Variants in TMTC2 observed in about 807,000 individuals in gnomAD.
TMTC2 encodes protein O-mannosyl-transferase TMTC2.
A neutral mutation model predicts 82.4 loss-of-function variants in TMTC2; 43 were observed. That is an observed-to-expected ratio of 0.52 (90% confidence interval 0.41 to 0.67). The LOEUF is 0.67. TMTC2 is among the 30% of genes least tolerant of loss of function. The probability of loss-of-function intolerance (pLI) is 0.00; values close to 1 mark genes in which losing one functional copy is unlikely to be tolerated. For missense variants in TMTC2, 919 were observed against 1,012.4 expected (o/e 0.91, Z 1.25); for synonymous variants, 408 against 381.9 (o/e 1.07, Z -0.80).
At chr12:83,069,532 T>C (rs1883034137) in intron 11 of TMTC2, among the ~76,000 whole-genome samples, 1 of 152,178 alleles carries the variant, frequency 6.6e-6, no homozygotes, top group South Asian at 2.1e-4. Context: ...TAGCCCATTT[T>C]TTGATGGGAT....
chr12:83,069,982 GA>G (rs1790157421), intron 11 of TMTC2, among the ~76,000 whole-genome samples: 2 of 152,092 alleles, frequency 1.3e-5, no homozygotes, highest in African/African-American at 4.8e-5. Flanking sequence ...TTGCTTTGTC[GA>G]AGATCAATTG....
At chr12:82,883,842 GTT>G in intron 2 of TMTC2, among the ~76,000 whole-genome samples, 1 of 152,158 alleles carries the variant, frequency 6.6e-6, no homozygotes, top group Non-Finnish European at 1.5e-5. Context: ...AAAACAAAGT[GTT>G]TTCATAGTCA....
intron 1 of TMTC2, among the ~76,000 whole-genome samples, chr12:82,765,291 T>A (rs141616143): frequency 4.0e-4 from 61 of 152,300 alleles, no homozygotes; most frequent in Non-Finnish European, 7.3e-4. Flanking sequence ...TCAATAAATA[T>A]GTATCAAGTG....
In TMTC2 at chr12:82,701,589, TAAAAAAA is replaced by T. The variant is rs763176928; in HGVS notation, c.83+13937_83+13943del. Among the ~76,000 whole-genome samples the T allele has an allele frequency of 4.1e-4, 38 of 91,898 alleles. 2 individuals are homozygous for T. Among genetic ancestry groups the T allele is most frequent in the Admixed American group, 3.8e-3 (31 of 8,192 alleles). 60.3% of individuals were successfully genotyped at this position (91,898 alleles called of 152,430 possible). A position where few individuals can be genotyped will look rare whatever the true frequency, so the allele number is the denominator to read the frequency against. On this transcript the variant is annotated intron_variant, in intron 1 of 11. Transcript: ENST00000321196. Reference sequence around the variant, plus strand: ...CAACATGGAGAAACCCCGTCTTTACTAAAAAAAAAAAAAAAAAAAAAAATTTCTGGGT... The same window carrying T: ...CAACATGGAGAAACCCCGTCTTTACTAAAAAAAAAAAAAAAATTTCTGGGT...
At chr12:83,063,022 ATGTATTT>A (rs1882797549) in intron 11 of TMTC2, among the ~76,000 whole-genome samples, 1 of 152,024 alleles carries the variant, frequency 6.6e-6, no homozygotes, top group African/African-American at 2.4e-5. Context: ...AAGCATACAA[ATGTATTT>A]AATATACATT....
chr12:82,890,490 C>T (rs76236585), intron 2 of TMTC2, among the ~76,000 whole-genome samples: 57 of 152,266 alleles, frequency 3.7e-4, no homozygotes, highest in Non-Finnish European at 6.8e-4. Flanking sequence ...TGCTTGTTTA[C>T]AGTGAGGCAA....
At chr12:82,749,739 C>CTTTCTTTCTTTCT (rs575985124) in intron 1 of TMTC2, among the ~76,000 whole-genome samples, 3 of 127,164 alleles carry the variant, frequency 2.4e-5, no homozygotes, top group African/African-American at 9.3e-5. Context: ...TTCTTTCTTT[C>CTTTCTTTCTTTCT]TTTTTTTTTT....
At chr12:82,895,376 T>C (rs576130730) in intron 2 of TMTC2, among the ~76,000 whole-genome samples, 1 of 152,308 alleles carries the variant, frequency 6.6e-6, no homozygotes, top group South Asian at 2.1e-4. Flanking sequence ...ATGACTACTT[T>C]TTGTTTTTCT....
chr12:82,757,717 G>A (rs1441084335), intron 1 of TMTC2, among the ~76,000 whole-genome samples: 1 of 152,138 alleles, frequency 6.6e-6, no homozygotes, highest in Non-Finnish European at 1.5e-5. Context: ...TTCTTTTACT[G>A]TCTTCTGTGA....
At chr12:83,098,666 G>C (rs11115584) in intron 11 of TMTC2, among the ~76,000 whole-genome samples, 4 of 152,102 alleles carry the variant, frequency 2.6e-5, no homozygotes, top group Middle Eastern at 3.2e-3. Flanking sequence ...TCGGAAACCA[G>C]ATATGTAGAT....
chr12:83,031,911 G>T (rs1592705794), intron 9 of TMTC2, among the ~76,000 whole-genome samples: 1 of 152,168 alleles, frequency 6.6e-6, no homozygotes, highest in East Asian at 1.9e-4. Flanking sequence ...ATTAATGCGG[G>T]ATGGTACAAC....
chr12:82,691,446 T>C (rs1872573777), intron 1 of TMTC2, among the ~76,000 whole-genome samples: 1 of 152,152 alleles, frequency 6.6e-6, no homozygotes, highest in Non-Finnish European at 1.5e-5. Context: ...TAAATGGAAA[T>C]CTCAGTTTTT....
chr12:82,687,296 C>A lies in TMTC2; in HGVS notation c.-291C>A. The A allele has an allele frequency of 2.0e-6, 1 of 500,782 alleles. No individual in the cohort carries two copies. Among genetic ancestry groups the A allele is most frequent in the Non-Finnish European group, 3.6e-6 (1 of 274,082 alleles). The allele number at this position is 500,782 out of a possible 1,614,324, so 31.0% of individuals were successfully genotyped here. A position where few individuals can be genotyped will look rare whatever the true frequency, so the allele number is the denominator to read the frequency against. ...ACCCGCGCGAAAGACCAGCCCTGCG[C>A]TTCCGCCGGGGGACGCGGAGCCCAA... On this transcript the variant is annotated 5_prime_UTR_variant, in exon 1 of 12. Coordinates refer to ENST00000321196, the MANE Select transcript of TMTC2 (RefSeq NM_152588.3).
chr12:82,980,726 T>C (rs1267900177), intron 7 of TMTC2, among the ~76,000 whole-genome samples: 2 of 151,844 alleles, frequency 1.3e-5, no homozygotes, highest in African/African-American at 4.8e-5. Flanking sequence ...TTTTGAGTTA[T>C]AGCTTGGCAT....
intron 1 of TMTC2, among the ~76,000 whole-genome samples, chr12:82,702,051 T>C (rs943663983): frequency 6.6e-6 from 1 of 152,174 alleles, no homozygotes; most frequent in South Asian, 2.1e-4. Context: ...CCCTTCTAGA[T>C]TAAAACAGGT....
intron 2 of TMTC2, among the ~76,000 whole-genome samples, chr12:82,870,833 G>C (rs1261269605): frequency 6.6e-6 from 1 of 152,224 alleles, no homozygotes; most frequent in African/African-American, 2.4e-5. Context: ...AGGAGAAAAT[G>C]TGGGGATGCC....
At chr12:82,863,286 T>TAA (rs1871645252) in intron 2 of TMTC2, among the ~76,000 whole-genome samples, 3 of 152,166 alleles carry the variant, frequency 2.0e-5, no homozygotes, top group African/African-American at 4.8e-5. Context: ...TTTCCTTTCA[T>TAA]TTGCCTTACA....
chr12:83,029,106 C>G (rs1338746091), intron 8 of TMTC2, among the ~76,000 whole-genome samples: 3 of 151,902 alleles, frequency 2.0e-5, no homozygotes, highest in Non-Finnish European at 1.5e-5. Flanking sequence ...GATGTAGCAA[C>G]AATGAGTTTT....
At chr12:83,009,711 T>C (rs1313679068) in intron 8 of TMTC2, among the ~76,000 whole-genome samples, 1 of 152,174 alleles carries the variant, frequency 6.6e-6, no homozygotes, top group African/African-American at 2.4e-5. Context: ...ACCCCTCTTA[T>C]AGTACTTACT....
Sources: gnomAD v4.1 joint callset for allele counts (sites outside exome capture counted in the v4.1 genomes callset) on GRCh38, gnomAD v4.1.1 for gene constraint, MANE v1.5 for transcripts, NCBI Gene and HGNC (gene_info 2026-07-23, HGNC 2026-07-21) for gene names.